GABRG3: variants seen among roughly 807,000 people sequenced by gnomAD.
GABRG3 encodes gamma-aminobutyric acid type A receptor subunit gamma3, also known as gamma-aminobutyric acid receptor subunit gamma-3.
GABRG3 carries 25 observed loss-of-function variants against 48.8 expected under a neutral mutation model. The observed-to-expected ratio is 0.51, with a 90% CI of 0.37 to 0.72. The LOEUF (loss-of-function observed/expected upper bound fraction) is 0.72. Ranked by LOEUF, GABRG3 falls within the 30% of genes least tolerant of loss-of-function variation. The pLI is 0.00. For missense variants in GABRG3, 394 were observed against 577.9 expected (o/e 0.68, Z 3.26); for synonymous variants, 227 against 217.6 (o/e 1.04, Z -0.38).
At chr15:27,441,751 C>A (rs1738194661) in intron 5 of GABRG3, among the ~76,000 whole-genome samples, 1 of 152,134 alleles carries the variant, frequency 6.6e-6, no homozygotes, top group Non-Finnish European at 1.5e-5. Context: ...TGCGCCTTGA[C>A]CTCCTGGGGA....
chr15:27,442,519 G>A (rs2140634084), intron 5 of GABRG3, among the ~76,000 whole-genome samples: 1 of 152,298 alleles, frequency 6.6e-6, no homozygotes, highest in African/African-American at 2.4e-5. Flanking sequence ...ACCCACCAAA[G>A]GTGCCCAGCA....
At chr15:27,051,308 G>A (rs1896451891) in intron 3 of GABRG3, among the ~76,000 whole-genome samples, 1 of 152,150 alleles carries the variant, frequency 6.6e-6, no homozygotes, top group South Asian at 2.1e-4. Context: ...TTGAGGTTAT[G>A]TCCCTCCAAA....
At chr15:27,313,256 GTGTGTGTA>G (rs1893068926) in intron 3 of GABRG3, among the ~76,000 whole-genome samples, 1 of 57,464 alleles carries the variant, frequency 1.7e-5, no homozygotes, top group African/African-American at 7.8e-5. Flanking sequence ...GTGTGTGTGT[GTGTGTGTA>G]TATATATATA....
At chr15:27,094,138 G>A (rs1280973128) in intron 3 of GABRG3, among the ~76,000 whole-genome samples, 1 of 152,170 alleles carries the variant, frequency 6.6e-6, no homozygotes, top group Non-Finnish European at 1.5e-5. Context: ...TAAGCTGGCT[G>A]CTTCCACGAG....
At chr15:27,335,776 A>G (rs79087905) in intron 5 of GABRG3, among the ~76,000 whole-genome samples, 4,501 of 152,240 alleles carry the variant, frequency 0.03, 226 homozygotes, top group African/African-American at 0.1. Flanking sequence ...TGTACTTACT[A>G]TGACTGAGTT....
chr15:27,515,972 T>C (rs1891008834), intron 6 of GABRG3, among the ~76,000 whole-genome samples: 1 of 152,074 alleles, frequency 6.6e-6, no homozygotes, highest in African/African-American at 2.4e-5. Context: ...GACTGGACTT[T>C]TAAAGCATAA....
At chr15:27,336,756 A>T (rs968481874) in intron 5 of GABRG3, among the ~76,000 whole-genome samples, 1 of 152,218 alleles carries the variant, frequency 6.6e-6, no homozygotes, top group Non-Finnish European at 1.5e-5. Flanking sequence ...CAAACCAGAA[A>T]CAGCCCTCAT....
intron 6 of GABRG3, among the ~76,000 whole-genome samples, chr15:27,486,717 T>C (rs1057488714): frequency 6.6e-6 from 1 of 152,278 alleles, no homozygotes; most frequent in South Asian, 2.1e-4. Flanking sequence ...TTCTCCTTTA[T>C]ATGGGTATTG....
chr15:27,136,018 C>G (rs570472908), intron 3 of GABRG3, among the ~76,000 whole-genome samples: 2 of 152,150 alleles, frequency 1.3e-5, no homozygotes, highest in Non-Finnish European at 2.9e-5. Context: ...TCAGTTCCTC[C>G]CTTCCCTCTA....
At chr15:27,267,817 A>G (rs763844415) in intron 3 of GABRG3, among the ~76,000 whole-genome samples, 1 of 152,116 alleles carries the variant, frequency 6.6e-6, no homozygotes, top group Non-Finnish European at 1.5e-5. Flanking sequence ...TATTAATATG[A>G]TTACTTAAAT....
At chr15:27,489,186 T>C (rs1291067912) in intron 6 of GABRG3, among the ~76,000 whole-genome samples, 2 of 152,220 alleles carry the variant, frequency 1.3e-5, no homozygotes, top group African/African-American at 4.8e-5. Context: ...GCTTCATCCA[T>C]GTCCCTGCAA....
chr15:27,405,104 T>G (rs1887591540), intron 5 of GABRG3, among the ~76,000 whole-genome samples: 1 of 152,190 alleles, frequency 6.6e-6, no homozygotes, highest in African/African-American at 2.4e-5. Context: ...AAACTTGCAT[T>G]GAAAACATGA....
chr15:27,028,165 A>G (rs1407392307), intron 3 of GABRG3, among the ~76,000 whole-genome samples: 1 of 152,200 alleles, frequency 6.6e-6, no homozygotes, highest in Non-Finnish European at 1.5e-5. Flanking sequence ...AGTGAGTGAC[A>G]GGCTCCTTCA....
intron 3 of GABRG3, among the ~76,000 whole-genome samples, chr15:27,218,918 A>C (rs992504876): frequency 2.6e-5 from 4 of 152,152 alleles, no homozygotes; most frequent in African/African-American, 9.7e-5. Context: ...ATTATTGTGA[A>C]TCACAGAGTA....
intron 3 of GABRG3, among the ~76,000 whole-genome samples, chr15:27,196,692 A>G (rs763704526): frequency 3.3e-5 from 5 of 152,194 alleles, no homozygotes; most frequent in Non-Finnish European, 5.9e-5. Context: ...ATTAATCTTC[A>G]TGGTAATCCA....
chr15:27,320,223 G>T (rs1772283535), intron 3 of GABRG3, among the ~76,000 whole-genome samples: 1 of 152,168 alleles, frequency 6.6e-6, no homozygotes, highest in African/African-American at 2.4e-5. Context: ...TTTATACAAG[G>T]CTGCTGTCTT....
In GABRG3 at chr15:26,977,104, C is replaced by T. The variant is rs779275008; in HGVS notation, c.156C>T (p.Asn52=). 6.2e-6 allele frequency: 10 copies of T among 1,613,826 alleles called. No individual in the cohort carries two copies. The highest frequency in any genetic ancestry group is 8.5e-6 in the Non-Finnish European group (10 of 1,179,860). The change falls in exon 2 of 10, where the codon AAC becomes AAT. Residue 52 remains asparagine, a synonymous_variant. Coordinates refer to ENST00000615808, the MANE Select transcript of GABRG3 (RefSeq NM_033223.5). ...ACACCGACGTGACTCTTATTCTCAA[C>T]AAGTTGCTAAGAGAATATGATAAAA... ...SQDTDVTLIL[N]KLLREYDKKL...
At chr15:27,410,845 CGTGTGTGTGTGT>C (rs61423614) in intron 5 of GABRG3, among the ~76,000 whole-genome samples, 116 of 143,724 alleles carry the variant, frequency 8.1e-4, no homozygotes, top group East Asian at 1.9e-3. Context: ...TGCGCACGCT[CGTGTGTGTGTGT>C]GTGTGTGTGT....
chr15:27,088,353 C>T (rs1448839954), intron 3 of GABRG3, among the ~76,000 whole-genome samples: 1 of 151,956 alleles, frequency 6.6e-6, no homozygotes, highest in African/African-American at 2.4e-5. Flanking sequence ...GGGGAAGCCC[C>T]AGGAGAAGGA....
Sources: gnomAD v4.1 joint callset for allele counts (sites outside exome capture counted in the v4.1 genomes callset) on GRCh38, gnomAD v4.1.1 for gene constraint, MANE v1.5 for transcripts, NCBI Gene and HGNC (gene_info 2026-07-23, HGNC 2026-07-21) for gene names.